ROBO2: variants seen among roughly 807,000 people sequenced by gnomAD.
The protein encoded by ROBO2 is roundabout homolog 2.
A neutral mutation model predicts 160.8 loss-of-function variants in ROBO2; 53 were observed. The ratio of observed to expected loss-of-function variants is 0.33; its 90% CI spans 0.26 to 0.41. The LOEUF (loss-of-function observed/expected upper bound fraction) is 0.41. Ranked by LOEUF, ROBO2 falls within the 10% of genes least tolerant of loss-of-function variation. The pLI, the probability that ROBO2 is intolerant of heterozygous loss-of-function variation, is 1.00. For missense variants in ROBO2, 1,577 were observed against 1,722.4 expected (o/e 0.92, Z 1.49); for synonymous variants, 664 against 611.7 (o/e 1.09, Z -1.26).
At chr3:77,324,454 T>C (rs2065144748) in intron 2 of ROBO2, among the ~76,000 whole-genome samples, 1 of 152,038 alleles carries the variant, frequency 6.6e-6, no homozygotes, top group Non-Finnish European at 1.5e-5. Flanking sequence ...TGTCCAGTTG[T>C]AGGGAAAGTA....
chr3:77,307,544 C>T (rs1305092702), intron 2 of ROBO2, among the ~76,000 whole-genome samples: 4 of 152,084 alleles, frequency 2.6e-5, no homozygotes, highest in Admixed American at 6.5e-5. Context: ...GGCTTCTTCA[C>T]GAAGGCCTGC....
rs542274902 is a variant in ROBO2, at chr3:77,293,240, A to G, written c.389-184174A>G. Among the ~76,000 whole-genome samples, 543 of 151,524 alleles carry G rather than the reference A, an allele frequency of 3.6e-3. 3 individuals are homozygous for G. Among genetic ancestry groups the G allele is most frequent in the Non-Finnish European group, 6.3e-3 (426 of 67,816 alleles). On this transcript the variant is annotated intron_variant, in intron 2 of 25. Transcript: ENST00000461745. ...GCTGAGGCTAGATCACCCCAGACATAAAGTAAAATTGACGGTTATACAGGT... is the reference window on the plus strand; with the variant it reads ...GCTGAGGCTAGATCACCCCAGACATGAAGTAAAATTGACGGTTATACAGGT...
intron 2 of ROBO2, among the ~76,000 whole-genome samples, chr3:76,516,647 A>G (rs1180156428): frequency 2.6e-5 from 4 of 152,122 alleles, no homozygotes; most frequent in Non-Finnish European, 5.9e-5. Context: ...GAATTCTTTA[A>G]GGAATCAAAA....
chr3:76,419,366 A>G (rs576885615), intron 2 of ROBO2, among the ~76,000 whole-genome samples: 6 of 152,310 alleles, frequency 3.9e-5, no homozygotes, highest in African/African-American at 1.4e-4. Context: ...AAGCTGTGTA[A>G]TTGTACACAT....
At chr3:76,291,210 C>T (rs1037483593) in intron 2 of ROBO2, among the ~76,000 whole-genome samples, 1 of 151,968 alleles carries the variant, frequency 6.6e-6, no homozygotes, top group Non-Finnish European at 1.5e-5. Context: ...ATTGCTGATT[C>T]AACTTTGGAA....
intron 2 of ROBO2, among the ~76,000 whole-genome samples, chr3:76,122,561 T>C (rs1269720118): frequency 6.6e-6 from 1 of 152,166 alleles, no homozygotes; most frequent in Non-Finnish European, 1.5e-5. Context: ...ATGACCAATT[T>C]TTAAAAATAA....
intron 2 of ROBO2, among the ~76,000 whole-genome samples, chr3:76,722,595 C>G (rs775225703): frequency 1.5e-4 from 23 of 152,126 alleles, no homozygotes; most frequent in Non-Finnish European, 2.8e-4. Context: ...TATTAGCACT[C>G]ACTACCCATT....
At chr3:77,164,325 A>G (rs1207245028) in intron 2 of ROBO2, among the ~76,000 whole-genome samples, 1 of 152,156 alleles carries the variant, frequency 6.6e-6, no homozygotes, top group Non-Finnish European at 1.5e-5. Context: ...CATATTTATC[A>G]TTTGCACATT....
intron 2 of ROBO2, among the ~76,000 whole-genome samples, chr3:77,157,419 C>T (rs1388110954): frequency 6.6e-6 from 1 of 152,028 alleles, no homozygotes; most frequent in Non-Finnish European, 1.5e-5. Context: ...ATTATGGCAG[C>T]TTAATGATTC....
chr3:77,360,322 G>C (rs1393854910), intron 2 of ROBO2, among the ~76,000 whole-genome samples: 1 of 151,036 alleles, frequency 6.6e-6, no homozygotes, highest in African/African-American at 2.4e-5. Flanking sequence ...TTTGACACTT[G>C]AAGAAAGTTA....
intron 2 of ROBO2, among the ~76,000 whole-genome samples, chr3:76,798,273 AAAGAAAGAAAGAAAGAAAGAAAG>A (rs1310828061): frequency 7.4e-5 from 11 of 148,130 alleles, no homozygotes; most frequent in Admixed American, 7.4e-4. Flanking sequence ...AGAAAGAAAG[AAAGAAAGAAAGAAAGAAAGAAAG>A]AAAGAAAGAA....
chr3:76,215,190 G>T (rs2107350670), intron 2 of ROBO2, among the ~76,000 whole-genome samples: 1 of 152,268 alleles, frequency 6.6e-6, no homozygotes, highest in East Asian at 1.9e-4. Context: ...ACCAAAGGTA[G>T]ATAAAGCCAC....
At chr3:77,274,660 G>T (rs2059712337) in intron 2 of ROBO2, among the ~76,000 whole-genome samples, 1 of 152,128 alleles carries the variant, frequency 6.6e-6, no homozygotes. Flanking sequence ...TGAACTTTAA[G>T]ATGTGGCATC....
At chr3:76,014,487 GCGTGT>G (rs2066337898) in intron 2 of ROBO2, among the ~76,000 whole-genome samples, 1 of 79,104 alleles carries the variant, frequency 1.3e-5, no homozygotes, top group Non-Finnish European at 2.8e-5. Flanking sequence ...GGTGGCTTAT[GCGTGT>G]AATCCCAGAA....
intron 2 of ROBO2, among the ~76,000 whole-genome samples, chr3:76,905,318 A>G (rs1245584351): frequency 6.6e-6 from 1 of 152,184 alleles, no homozygotes; most frequent in Non-Finnish European, 1.5e-5. Flanking sequence ...AAACAAAAGG[A>G]CAAGGCAATC....
At chr3:76,799,748 A>T (rs1236291687) in intron 2 of ROBO2, among the ~76,000 whole-genome samples, 1 of 152,196 alleles carries the variant, frequency 6.6e-6, no homozygotes, top group Non-Finnish European at 1.5e-5. Flanking sequence ...GATATTTCAT[A>T]TCCATAGATT....
At chr3:76,717,139 C>A (rs1351243863) in intron 2 of ROBO2, among the ~76,000 whole-genome samples, 2 of 152,094 alleles carry the variant, frequency 1.3e-5, no homozygotes, top group Non-Finnish European at 2.9e-5. Flanking sequence ...TCATTCCTAA[C>A]TCTATAAATC....
chr3:77,636,263 C>A (rs1030272198), intron 24 of ROBO2, among the ~76,000 whole-genome samples: 3 of 152,106 alleles, frequency 2.0e-5, no homozygotes, highest in African/African-American at 2.4e-5. Context: ...GTCACAACTA[C>A]TCAACACTGC....
intron 2 of ROBO2, among the ~76,000 whole-genome samples, chr3:76,239,326 A>G (rs1705149191): frequency 1.3e-5 from 2 of 150,876 alleles, no homozygotes. Context: ...ACTTTATATA[A>G]TATGCATGTT....
Sources: allele counts gnomAD v4.1 joint callset (sites outside exome capture counted in the v4.1 genomes callset), GRCh38; gene constraint gnomAD v4.1.1; transcripts MANE v1.5; gene names NCBI Gene and HGNC (gene_info 2026-07-23, HGNC 2026-07-21).